The following DYNC1I2 variants were observed in gnomAD, a reference collection of about 807,000 sequenced individuals.
DYNC1I2 encodes the protein dynein cytoplasmic 1 intermediate chain 2, also known as cytoplasmic dynein 1 intermediate chain 2.
A neutral mutation model predicts 88.6 loss-of-function variants in DYNC1I2; 53 were observed. That is an observed-to-expected ratio of 0.60 (90% CI 0.48 to 0.75). DYNC1I2 has a LOEUF of 0.75. Ranked by LOEUF, DYNC1I2 falls within the 30% of genes least tolerant of loss-of-function variation. DYNC1I2 has a pLI of 0.00. For synonymous variants in DYNC1I2, 198 were observed against 254.6 expected (o/e 0.78, Z 2.12); for missense variants, 458 against 766.6 (o/e 0.60, Z 4.75).
At chr2:171,720,798 GT>G (rs1363755950) in intron 7 of DYNC1I2, among the ~76,000 whole-genome samples, 2 of 152,120 alleles carry the variant, frequency 1.3e-5, no homozygotes, top group African/African-American at 4.8e-5. Context: ...TAATAAATTA[GT>G]TTTAACCCTC....
rs755197346 is a variant in DYNC1I2, at chr2:171,690,251, GA to G, written c.105del (p.Glu36LysfsTer34). 57 of 1,502,808 alleles carry G rather than the reference GA, an allele frequency of 3.8e-5. No individual in the cohort carries two copies. The highest frequency in any genetic ancestry group is 1.7e-4 in the Middle Eastern group (1 of 5,744). 93.1% of individuals were successfully genotyped at this position (1,502,808 alleles called of 1,614,324 possible). On this transcript the variant is annotated frameshift_variant, in exon 2 of 18. Transcript: ENST00000397119. LOFTEE classifies it high-confidence loss of function. ...EEKKRKEEER[K>X]KKETDQKKEA... ...AAAAGAAGAGAAAAGAAGAAGAAAGGAAAAAAAAAGAAGTATGTTTGATTTT... is the reference window on the plus strand; with the variant it reads ...AAAAGAAGAGAAAAGAAGAAGAAAGGAAAAAAAAGAAGTATGTTTGATTTT...
chr2:171,715,721 A>T (rs1266287981), intron 7 of DYNC1I2, among the ~76,000 whole-genome samples: 2 of 152,148 alleles, frequency 1.3e-5, no homozygotes, highest in Non-Finnish European at 2.9e-5. Context: ...TTATTTTGTC[A>T]TTAATGTATA....
In DYNC1I2 at chr2:171,692,785, G is replaced by C. The variant is rs756405661; in HGVS notation, c.117G>C (p.Gln39His). 6.2e-7 allele frequency: 1 copy of C among 1,602,368 alleles called. No homozygotes were observed. Among genetic ancestry groups the C allele is most frequent in the Non-Finnish European group, 8.5e-7 (1 of 1,175,152 alleles). ...EEERKKKETDQKKEAVAPVQE... is the reference protein window; with the variant it reads ...EEERKKKETDHKKEAVAPVQE... ...TAACCTAAACATTTTAGACAGACCA[G>C]AAGAAGGAAGCTGTTGCTCCTGTGC... The change falls in exon 3 of 18, where the codon CAG (glutamine) becomes CAC (histidine). Residue 39 changes from glutamine (Q) to histidine (H), a missense_variant. Around this residue, in one of 5 missense-constraint regions of DYNC1I2, gnomAD observed 55 missense variants for 57.1 expected, o/e 0.96. Transcript: ENST00000397119.
intron 10 of DYNC1I2, 55 bp downstream of exon 10, chr2:171,726,348 A>G: frequency 8.2e-7 from 1 of 1,215,792 alleles, no homozygotes; most frequent in East Asian, 2.5e-5. Context: ...TATAATTAGC[A>G]GGTCATTTTA....
Position 171,690,159 on chromosome 2 carries a change from T to A in DYNC1I2, c.4T>A (p.Ser2Thr), listed in dbSNP as rs1259248540. Reference sequence around the variant, plus strand: ...ATATGTTTCTAAGGTCACAAACATGTCAGACAAAAGTGAATTAAAGGCTGA... The same window carrying A: ...ATATGTTTCTAAGGTCACAAACATGACAGACAAAAGTGAATTAAAGGCTGA... M[S>T]DKSELKAELE... The change falls in exon 2 of 18, where the codon TCA becomes ACA. Residue 2 changes from serine to threonine, a missense_variant. Transcript: ENST00000397119. 3.2e-6 allele frequency: 5 copies of A among 1,549,458 alleles called. No homozygotes were observed. The highest frequency in any genetic ancestry group is 4.4e-6 in the Non-Finnish European group (5 of 1,147,116).
At chr2:171,692,006 A>T (rs1259985445) in intron 2 of DYNC1I2, among the ~76,000 whole-genome samples, 1 of 152,156 alleles carries the variant, frequency 6.6e-6, no homozygotes, top group African/African-American at 2.4e-5. Context: ...TCAAAATGGC[A>T]TAGAATATTA....
chr2:171,744,001 T>G, intron 15 of DYNC1I2, 48 bp from the exon 16 acceptor site: 1 of 1,480,724 alleles, frequency 6.8e-7, no homozygotes, highest in Non-Finnish European at 9.0e-7. Flanking sequence ...GTTTAATGAT[T>G]TGTATGTCAT....
chr2:171,727,065 C>G (rs1397861405), intron 11 of DYNC1I2, 149 bp downstream of exon 11: 1 of 886,422 alleles, frequency 1.1e-6, no homozygotes, highest in East Asian at 2.8e-5. Flanking sequence ...CAGATGTTAA[C>G]AGAAAACTGA....
chr2:171,714,065 A>G (rs763671088), intron 6 of DYNC1I2, among the ~76,000 whole-genome samples: 1 of 152,044 alleles, frequency 6.6e-6, no homozygotes, highest in Non-Finnish European at 1.5e-5. Flanking sequence ...TATGTGAGTG[A>G]TTTACTTTTT....
At chr2:171,716,067 C>G (rs562248519) in intron 7 of DYNC1I2, among the ~76,000 whole-genome samples, 38 of 151,964 alleles carry the variant, frequency 2.5e-4, no homozygotes, top group Non-Finnish European at 4.7e-4. Context: ...GCATAAAGTA[C>G]TACGATCTCA....
Position 171,728,864 on chromosome 2 carries a change from G to A in DYNC1I2, c.1391+14G>A, listed in dbSNP as rs1420508759. On this transcript the variant is annotated intron_variant, in intron 14 of 17. Coordinates refer to ENST00000397119, the MANE Select transcript of DYNC1I2 (RefSeq NM_001378.3). ...CCGCCATGGCAGGTAAACCTAAACTGGAATTTGCAATAATTTAAAATTCCT... is the reference window on the plus strand; with the variant it reads ...CCGCCATGGCAGGTAAACCTAAACTAGAATTTGCAATAATTTAAAATTCCT... 2 of 1,595,072 alleles carry A rather than the reference G, an allele frequency of 1.3e-6. No homozygotes were observed. Among genetic ancestry groups the A allele is most frequent in the African/African-American group, 1.4e-5 (1 of 74,038 alleles).
chr2:171,723,222 G>A (rs1688014392), intron 7 of DYNC1I2, among the ~76,000 whole-genome samples: 1 of 152,158 alleles, frequency 6.6e-6, no homozygotes, highest in Admixed American at 6.5e-5. Flanking sequence ...CAACAAAGTT[G>A]AAGGAGGAGA....
intron 3 of DYNC1I2, among the ~76,000 whole-genome samples, chr2:171,694,604 C>A (rs1685626231): frequency 6.6e-6 from 1 of 152,036 alleles, no homozygotes. Flanking sequence ...TTGTGGTGAG[C>A]TGAGATCTGG....
At chr2:171,719,963 C>A (rs1389077438) in intron 7 of DYNC1I2, among the ~76,000 whole-genome samples, 1 of 151,702 alleles carries the variant, frequency 6.6e-6, no homozygotes, top group Non-Finnish European at 1.5e-5. Context: ...ACTTTCTTTA[C>A]CTTTTTAAAA....
rs113865910 is a variant in DYNC1I2, at chr2:171,695,457, A to G, written c.226+2563A>G. 2.5e-4 allele frequency among the ~76,000 whole-genome samples: 38 copies of G among 152,228 alleles called. 2 individuals are homozygous for G. Among genetic ancestry groups the G allele is most frequent in the African/African-American group, 8.7e-4 (36 of 41,536 alleles). Reference sequence around the variant, plus strand: ...TATCCTCTGTTTTTCAAGGTTTCACATATCTCTGTGTATATATACTTTATA... The same window carrying G: ...TATCCTCTGTTTTTCAAGGTTTCACGTATCTCTGTGTATATATACTTTATA... On this transcript the variant is annotated intron_variant, in intron 3 of 17. Transcript: ENST00000397119.
intron 13 of DYNC1I2, 72 bp from the exon 14 acceptor site, chr2:171,728,645 G>C: frequency 5.4e-6 from 7 of 1,294,654 alleles, no homozygotes; most frequent in Non-Finnish European, 7.3e-6. Context: ...TACAATCAAA[G>C]ACTAGAAGTT....
intron 17 of DYNC1I2, 40 bp downstream of exon 17, chr2:171,745,967 A>G (rs1372666023): frequency 6.2e-7 from 1 of 1,610,758 alleles, no homozygotes; most frequent in Non-Finnish European, 8.5e-7. Flanking sequence ...ACATCGATTT[A>G]GTTGCATTGT....
rs548799683 is a variant in DYNC1I2, at chr2:171,690,314, A to C, written c.108+51A>C. Reference sequence around the variant, plus strand: ...AAACAACATAAAGTAATTGGGTTTTATTTCACATATTTATATATTTACATA... The same window carrying C: ...AAACAACATAAAGTAATTGGGTTTTCTTTCACATATTTATATATTTACATA... On this transcript the variant is annotated intron_variant, in intron 2 of 17. Coordinates refer to ENST00000397119, the MANE Select transcript of DYNC1I2 (RefSeq NM_001378.3). 440 of 1,305,202 alleles carry C rather than the reference A, an allele frequency of 3.4e-4. 1 individual carries two copies. Among genetic ancestry groups the C allele is most frequent in the Non-Finnish European group, 4.4e-4 (417 of 943,360 alleles). The allele number at this position is 1,305,202 out of a possible 1,614,324, so 80.9% of individuals were successfully genotyped here.
chr2:171,695,395 G>T (rs1483897910), intron 3 of DYNC1I2, among the ~76,000 whole-genome samples: 1 of 151,852 alleles, frequency 6.6e-6, no homozygotes, highest in Non-Finnish European at 1.5e-5. Flanking sequence ...CACCATGCCC[G>T]GCCCACTTTT....
Sources: gnomAD v4.1 joint callset for allele counts (sites outside exome capture counted in the v4.1 genomes callset) on GRCh38, gnomAD v4.1.1 for gene constraint, gnomAD v4.1.1 regional missense constraint, MANE v1.5 for transcripts, NCBI Gene and HGNC (gene_info 2026-07-23, HGNC 2026-07-21) for gene names.